Variants in ATXN2L observed in about 807,000 individuals in gnomAD.
ATXN2L encodes the protein ataxin 2 like, also known as ataxin-2-like protein.
Under a neutral mutation model 120.7 loss-of-function variants are expected in ATXN2L, and 24 were observed. The ratio of observed to expected loss-of-function variants is 0.20; its 90% CI spans 0.14 to 0.28. ATXN2L has a LOEUF of 0.28. Ranked by LOEUF, ATXN2L falls within the 10% of genes least tolerant of loss-of-function variation. ATXN2L has a pLI of 1.00. For synonymous variants in ATXN2L, 653 were observed against 568.1 expected (o/e 1.15, Z -2.13); for missense variants, 1,312 against 1,432.3 (o/e 0.92, Z 1.36).
Position 28,833,075 on chromosome 16 carries a change from C to G in ATXN2L, c.1676C>G (p.Ser559Cys). 1 of 1,614,034 alleles carries G rather than the reference C, an allele frequency of 6.2e-7. No homozygotes were observed. Among genetic ancestry groups the G allele is most frequent in the Non-Finnish European group, 8.5e-7 (1 of 1,179,936 alleles). Residue 559 changes from serine (S) to cysteine (C), a missense_variant, in exon 14 of 22, where the codon TCC becomes TGC. Ser to Cys is a moderately radical substitution (Grantham distance 112, BLOSUM62 -1). Transcript: ENST00000336783. ...CTCTTCCAGCTTCAGCCCAGTAGCT[C>G]CCCTGAGAACAGCCTGGATCCTTTT... The part of the protein sequence containing the change: ...GAQFKLQPSS[S>C]PENSLDPFPP...
At position 28,836,950 on chromosome 16, in the gene ATXN2L, A is replaced by G. The variant is rs1174705438; in HGVS notation, c.*685A>G. On this transcript the variant is annotated 3_prime_UTR_variant, in exon 22 of 22. Coordinates refer to ENST00000336783, the MANE Select transcript of ATXN2L (RefSeq NM_007245.4). ...GAGGGGCCTCACAGAGGGCAGGGCC[A>G]GGGTCCAGCAGGGGTGGGGGGTTCC... The G allele has an allele frequency of 1.4e-6, 1 of 710,970 alleles. No individual in the cohort carries two copies. Among genetic ancestry groups the G allele is most frequent in the East Asian group, 2.7e-5 (1 of 36,582 alleles). 44.0% of individuals were successfully genotyped at this position (710,970 alleles called of 1,614,324 possible). A position where few individuals can be genotyped will look rare whatever the true frequency, so the allele number is the denominator to read the frequency against.
chr16:28,836,543 A>T lies in ATXN2L; in HGVS notation c.*278A>T, dbSNP rs561267332. On this transcript the variant is annotated 3_prime_UTR_variant, in exon 22 of 22. Coordinates refer to ENST00000336783, the MANE Select transcript of ATXN2L (RefSeq NM_007245.4). ...GGGTGTGGGGGGCTGAGCTGGGCAC[A>T]TGAGTGAGGGCTCTGGCTTACTGGG... 9.5e-6 allele frequency: 15 copies of T among 1,582,434 alleles called. No individual in the cohort carries two copies. Among genetic ancestry groups the T allele is most frequent in the Non-Finnish European group, 1.2e-5 (14 of 1,166,344 alleles).
At chr16:28,830,880 A>G in intron 9 of ATXN2L, 82 bp from the exon 10 acceptor site, 2 of 1,499,928 alleles carry the variant, frequency 1.3e-6, no homozygotes, top group Non-Finnish European at 1.8e-6. Flanking sequence ...GTGTGTTGGA[A>G]TGACGCTGCA....
At chr16:28,826,558 T>C in intron 5 of ATXN2L, 168 bp downstream of exon 5, 1 of 743,126 alleles carries the variant, frequency 1.3e-6, no homozygotes, top group Non-Finnish European at 2.1e-6. Flanking sequence ...GGATTTTTCT[T>C]CTTAAAAATA....
chr16:28,826,725 C>T, intron 5 of ATXN2L, 137 bp from the exon 6 acceptor site: 1 of 1,091,556 alleles, frequency 9.2e-7, no homozygotes, highest in Non-Finnish European at 1.3e-6. Flanking sequence ...CCCTGGCCAT[C>T]CTAACACACG....
At chr16:28,829,106 T>C (rs978757122) in intron 6 of ATXN2L, among the ~76,000 whole-genome samples, 3 of 151,838 alleles carry the variant, frequency 2.0e-5, no homozygotes, top group Middle Eastern at 3.2e-3. Context: ...AGTGATCCTC[T>C]CTCCTCAATC....
chr16:28,823,700 C>A, intron 1 of ATXN2L, 142 bp downstream of exon 1: 1 of 841,858 alleles, frequency 1.2e-6, no homozygotes, highest in Non-Finnish European at 1.6e-6. Context: ...AGGGCCCCCT[C>A]AGGTCCGAAC....
intron 5 of ATXN2L, 65 bp downstream of exon 5, chr16:28,826,455 T>C: frequency 1.3e-6 from 2 of 1,546,952 alleles, no homozygotes; most frequent in African/African-American, 1.4e-5. Context: ...GTAGTTTGTG[T>C]GCAGGTGGAA....
chr16:28,823,531 CG>C lies in ATXN2L; in HGVS notation c.277del (p.Ala93GlnfsTer45), dbSNP rs1202884297. ...PPPPQQHQER[P>X]GAAAIGSARG... Reference sequence around the variant, plus strand: ...CCGCCGCAGCAACACCAGGAGAGGCCGGGGGCAGCCGCCATCGGCAGCGCCA... The same window carrying C: ...CCGCCGCAGCAACACCAGGAGAGGCCGGGGCAGCCGCCATCGGCAGCGCCA... On this transcript the variant is annotated frameshift_variant, in exon 1 of 22. Coordinates refer to ENST00000336783, the MANE Select transcript of ATXN2L (RefSeq NM_007245.4). LOFTEE classifies it high-confidence loss of function. 17 of 1,374,056 alleles carry C rather than the reference CG, an allele frequency of 1.2e-5. No individual in the cohort carries two copies. Among genetic ancestry groups the C allele is most frequent in the South Asian group, 6.5e-5 (4 of 61,236 alleles). 85.1% of individuals were successfully genotyped at this position (1,374,056 alleles called of 1,614,324 possible).
intron 1 of ATXN2L, 117 bp downstream of exon 1, chr16:28,823,675 C>T (rs1477132341): frequency 9.3e-7 from 1 of 1,076,672 alleles, no homozygotes; most frequent in Non-Finnish European, 1.2e-6. Context: ...TGGGGAGTCC[C>T]CGTGAAGCTG....
intron 6 of ATXN2L, among the ~76,000 whole-genome samples, chr16:28,828,720 G>A (rs1014910146): frequency 1.3e-5 from 2 of 152,006 alleles, no homozygotes; most frequent in Non-Finnish European, 2.9e-5. Flanking sequence ...TGTTGCCCGG[G>A]TTTTTGTTGT....
chr16:28,835,126 C>T lies in ATXN2L; in HGVS notation c.2502C>T (p.Ile834=), dbSNP rs373580404. 126 of 1,613,856 alleles carry T rather than the reference C, an allele frequency of 7.8e-5. No homozygotes were observed. Among genetic ancestry groups the T allele is most frequent in the Non-Finnish European group, 9.3e-5 (110 of 1,179,928 alleles). The change falls in exon 19 of 22, where the codon ATC becomes ATT. Residue 834 remains isoleucine, a synonymous_variant. Coordinates refer to ENST00000336783, the MANE Select transcript of ATXN2L (RefSeq NM_007245.4). ...CGTCGGGCAGCCATCCCCAGGCCAT[C>T]GTGTCATCCTCTACCCCTCAGTACC... ...MLTSGSHPQA[I]VSSSTPQYPS...
At position 28,836,375 on chromosome 16, in the gene ATXN2L, T is replaced by C. The variant is rs1056270211; in HGVS notation, c.*110T>C. 2 of 1,613,632 alleles carry C rather than the reference T, an allele frequency of 1.2e-6. No individual in the cohort carries two copies. The highest frequency in any genetic ancestry group is 1.1e-5 in the South Asian group (1 of 91,072). On this transcript the variant is annotated 3_prime_UTR_variant, in exon 22 of 22. Transcript: ENST00000336783. ...GTCGCCGCCGCCAGGGGCTTGCTCC[T>C]GGCTCTGTCCTTTGCTTCCCTCCGT...
chr16:28,828,454 C>T (rs546451640), intron 6 of ATXN2L, among the ~76,000 whole-genome samples: 1 of 151,998 alleles, frequency 6.6e-6, no homozygotes, highest in Non-Finnish European at 1.5e-5. Context: ...GGCGTGGTGG[C>T]ACATGCCCGT....
chr16:28,834,435 G>A lies in ATXN2L; in HGVS notation c.2245+20G>A. 6.2e-7 allele frequency: 1 copy of A among 1,613,836 alleles called. No individual in the cohort carries two copies. Among genetic ancestry groups the A allele is most frequent in the Non-Finnish European group, 8.5e-7 (1 of 1,179,752 alleles). On this transcript the variant is annotated intron_variant, in intron 17 of 21. Coordinates refer to ENST00000336783, the MANE Select transcript of ATXN2L (RefSeq NM_007245.4). ...CAAAAGGTGAGCAGGGCTGGGAGGG[G>A]CAGGCGGCGAGGCTGCCAAGGGCCT...
rs2152041764 is a variant in ATXN2L at position 28,830,733 on chromosome 16, C to T, written c.1153C>T (p.His385Tyr). 6.2e-7 allele frequency: 1 copy of T among 1,613,534 alleles called. No homozygotes were observed. The highest frequency in any genetic ancestry group is 8.5e-7 in the Non-Finnish European group (1 of 1,179,828). The change falls in exon 9 of 22, where the codon CAC (histidine) becomes TAC (tyrosine). Residue 385 changes from histidine (H) to tyrosine (Y), a missense_variant. Physicochemically the swap from His to Tyr is moderately conservative, Grantham distance 83 (BLOSUM62 2). Coordinates refer to ENST00000336783, the MANE Select transcript of ATXN2L (RefSeq NM_007245.4). The part of the protein sequence containing the change: ...GLSSLPPRGP[H>Y]HLDNSSPGPG... ...TAGCTCTTTGCCACCTCGTGGCCCTCACCATCTGGACAACAGCAGCCCTGG... is the reference window on the plus strand; with the variant it reads ...TAGCTCTTTGCCACCTCGTGGCCCTTACCATCTGGACAACAGCAGCCCTGG...
chr16:28,824,246 G>T (rs2050842246), intron 1 of ATXN2L: 2 of 1,111,890 alleles, frequency 1.8e-6, no homozygotes, highest in South Asian at 1.9e-5. Flanking sequence ...TCGTCTGGTG[G>T]CAGTGCATGA....
rs1177997534 is a variant in ATXN2L, at chr16:28,836,055, C to G, written c.3018C>G (p.Pro1006=). Residue 1006 remains proline (P), a synonymous_variant, in exon 22 of 22, where the codon CCC becomes CCG. Coordinates refer to ENST00000336783, the MANE Select transcript of ATXN2L (RefSeq NM_007245.4). ...GGGGGCCCCCCCAAGGCGCGGTGCC[C>G]CAGAGTGGGGTGCCTGCACTCTCAG... The part of the protein sequence containing the change: ...SHGGPPQGAV[P]QSGVPALSAS... 1 of 1,606,900 alleles carries G rather than the reference C, an allele frequency of 6.2e-7. No individual in the cohort carries two copies. The highest frequency in any genetic ancestry group is 1.3e-5 in the African/African-American group (1 of 74,780).
rs997061074 is a variant in ATXN2L at position 28,830,974 on chromosome 16, T to C, written c.1223T>C (p.Met408Thr). The change falls in exon 10 of 22, where the codon ATG becomes ACG. Residue 408 changes from methionine (M) to threonine (T), a missense_variant. Transcript: ENST00000336783. Reference protein sequence around the residue: ...ARGINGGPSRMSPKAQRPLRG... With the variant: ...ARGINGGPSRTSPKAQRPLRG... Reference sequence around the variant, plus strand: ...AAAAACCAAACAGGCCCTTCCCGCATGTCCCCAAAGGCACAACGGCCTCTG... The same window carrying C: ...AAAAACCAAACAGGCCCTTCCCGCACGTCCCCAAAGGCACAACGGCCTCTG... 3.2e-6 allele frequency: 5 copies of C among 1,570,976 alleles called. No individual in the cohort carries two copies. Among genetic ancestry groups the C allele is most frequent in the Non-Finnish European group, 4.3e-6 (5 of 1,168,642 alleles).
Sources: allele counts gnomAD v4.1 joint callset (sites outside exome capture counted in the v4.1 genomes callset), GRCh38; gene constraint gnomAD v4.1.1; transcripts MANE v1.5; gene names NCBI Gene and HGNC (gene_info 2026-07-23, HGNC 2026-07-21).